The following CCDC149 variants were observed in gnomAD, a reference collection of about 807,000 sequenced individuals.
CCDC149 encodes coiled-coil domain-containing protein 149.
In CCDC149, 45 loss-of-function variants were observed where a neutral mutation model predicts 59.9. That is an observed-to-expected ratio of 0.75 (90% CI 0.59 to 0.96). The LOEUF (loss-of-function observed/expected upper bound fraction) is 0.96. Ranked by LOEUF, CCDC149 falls within the 40% of genes least tolerant of loss-of-function variation. CCDC149 has a pLI of 0.00. For missense variants in CCDC149, 584 were observed against 664.7 expected (o/e 0.88, Z 1.33); for synonymous variants, 245 against 260.6 (o/e 0.94, Z 0.58).
At chr4:24,871,463 A>G (rs954620939) in intron 3 of CCDC149, among the ~76,000 whole-genome samples, 3 of 152,374 alleles carry the variant, frequency 2.0e-5, no homozygotes, top group Middle Eastern at 3.4e-3. Flanking sequence ...AGGCTTCCCT[A>G]TAACGGGAAA....
chr4:24,818,369 C>T (rs145204347), intron 12 of CCDC149, among the ~76,000 whole-genome samples: 5 of 152,106 alleles, frequency 3.3e-5, no homozygotes, highest in African/African-American at 1.2e-4. Flanking sequence ...GCAGATGGAA[C>T]CTTGTGGGGG....
At chr4:24,866,035 G>A (rs965278862) in intron 3 of CCDC149, among the ~76,000 whole-genome samples, 2 of 152,172 alleles carry the variant, frequency 1.3e-5, no homozygotes, top group African/African-American at 2.4e-5. Context: ...TTTGAAGGAA[G>A]TTTTAGGTTC....
chr4:24,808,307 A>G lies in CCDC149; in HGVS notation c.*82T>C. The G allele has an allele frequency of 7.8e-7, 1 of 1,281,584 alleles. No homozygotes were observed. The highest frequency in any genetic ancestry group is 1.0e-6 in the Non-Finnish European group (1 of 974,008). 79.4% of individuals were successfully genotyped at this position (1,281,584 alleles called of 1,614,324 possible). Reference sequence around the variant, plus strand: ...CTCGGAGGTATTTCAGGAGAAGGCGACGTGAGCGCACCATTCCGATGCTTC... The same window carrying G: ...CTCGGAGGTATTTCAGGAGAAGGCGGCGTGAGCGCACCATTCCGATGCTTC... On this transcript the variant is annotated 3_prime_UTR_variant, in exon 13 of 13. Coordinates refer to ENST00000635206, the MANE Select transcript of CCDC149 (RefSeq NM_001330643.2).
upstream of CCDC149, among the ~76,000 whole-genome samples, chr4:24,914,791 C>A (rs952975104): frequency 5.9e-5 from 9 of 152,188 alleles, no homozygotes; most frequent in Non-Finnish European, 1.2e-4. Flanking sequence ...GATGAAGGGC[C>A]TGAATGGCTT....
At chr4:24,895,088 C>G (rs1286098492) in intron 1 of CCDC149, 1 of 1,275,300 alleles carries the variant, frequency 7.8e-7, no homozygotes, top group Non-Finnish European at 1.1e-6. Context: ...GACGTGGCAA[C>G]TATCCACTAC....
chr4:24,894,151 A>C (rs1036725518), intron 1 of CCDC149, among the ~76,000 whole-genome samples: 1 of 152,208 alleles, frequency 6.6e-6, no homozygotes, highest in Non-Finnish European at 1.5e-5. Context: ...CACAGGACTC[A>C]AAGCATTAAA....
chr4:24,902,363 A>C (rs1001397660), intron 1 of CCDC149, among the ~76,000 whole-genome samples: 6 of 152,206 alleles, frequency 3.9e-5, no homozygotes. Flanking sequence ...CTCCAGTTAA[A>C]AAAAGCATTC....
chr4:24,949,128 C>A (rs568223057), intron 1 of CCDC149, among the ~76,000 whole-genome samples: 1 of 152,310 alleles, frequency 6.6e-6, no homozygotes, highest in East Asian at 1.9e-4. Context: ...CTGTTGTTAG[C>A]CTCCAGGGCT....
chr4:24,853,948 C>T (rs1717840031), intron 3 of CCDC149, among the ~76,000 whole-genome samples: 2 of 152,150 alleles, frequency 1.3e-5, no homozygotes. Flanking sequence ...AATCGCCCTT[C>T]ATTCCCATCT....
intron 3 of CCDC149, among the ~76,000 whole-genome samples, chr4:24,864,813 T>C (rs1050048764): frequency 6.6e-6 from 1 of 152,156 alleles, no homozygotes; most frequent in Non-Finnish European, 1.5e-5. Context: ...TATGTGTGCA[T>C]TTTTTTCAAC....
At position 24,886,557 on chromosome 4, in the gene CCDC149, G is replaced by C. The variant is rs533229470; in HGVS notation, c.64-9860C>G. 5.6e-4 allele frequency among the ~76,000 whole-genome samples: 86 copies of C among 152,224 alleles called. 1 individual carries two copies. The highest frequency in any genetic ancestry group is 1.1e-3 in the Non-Finnish European group (72 of 68,036). Reference sequence around the variant, plus strand: ...ATTGAGAAAAAGAAATGAATGCTGGGAAGTGAGAAAACAACAAATGTGCAT... The same window carrying C: ...ATTGAGAAAAAGAAATGAATGCTGGCAAGTGAGAAAACAACAAATGTGCAT... On this transcript the variant is annotated intron_variant, in intron 1 of 12. Transcript: ENST00000635206.
At chr4:24,974,182 C>T (rs942740567) in intron 1 of CCDC149, among the ~76,000 whole-genome samples, 1 of 152,242 alleles carries the variant, frequency 6.6e-6, no homozygotes, top group Non-Finnish European at 1.5e-5. Flanking sequence ...AGGTGACCCG[C>T]AGGTGCCGGC....
At chr4:24,838,937 T>C (rs549448595) in intron 4 of CCDC149, among the ~76,000 whole-genome samples, 4 of 152,050 alleles carry the variant, frequency 2.6e-5, no homozygotes, top group East Asian at 3.9e-4. Flanking sequence ...TATGATGCCA[T>C]GTTAAGTGGG....
At chr4:24,944,404 T>TG (rs1229136607) in intron 1 of CCDC149, among the ~76,000 whole-genome samples, 1 of 115,948 alleles carries the variant, frequency 8.6e-6, no homozygotes, top group East Asian at 2.4e-4. Context: ...TGTTGTGGGG[T>TG]GGGGGGATGG....
At chr4:24,920,302 C>T (rs780321927) in intron 1 of CCDC149, among the ~76,000 whole-genome samples, 23 of 152,322 alleles carry the variant, frequency 1.5e-4, no homozygotes, top group Non-Finnish European at 2.9e-4. Context: ...CCAAGACAGC[C>T]CACTCACATG....
chr4:24,853,223 A>C (rs1717779736), intron 3 of CCDC149, 44 bp from the exon 4 acceptor site: 2 of 1,422,602 alleles, frequency 1.4e-6, no homozygotes, highest in Non-Finnish European at 2.0e-6. Context: ...GAAATGGAGG[A>C]GTGGATGAAT....
At chr4:24,848,483 C>T (rs543557833) in intron 4 of CCDC149, among the ~76,000 whole-genome samples, 10 of 152,012 alleles carry the variant, frequency 6.6e-5, no homozygotes, top group South Asian at 2.1e-4. Flanking sequence ...GCAGGAGAAT[C>T]GCTTGAACCC....
rs568339940 is a variant in CCDC149 at position 24,808,285 on chromosome 4, G to A, written c.*104C>T. On this transcript the variant is annotated 3_prime_UTR_variant, in exon 13 of 13. Coordinates refer to ENST00000635206, the MANE Select transcript of CCDC149 (RefSeq NM_001330643.2). ...AGTGCGTTTTCTCACTTGCAGACTC[G>A]GAGGTATTTCAGGAGAAGGCGACGT... 209 of 1,043,016 alleles carry A rather than the reference G, an allele frequency of 2.0e-4. 1 individual carries two copies. The African/African-American group carries it at 2.8e-3, about 14-fold the overall frequency. 64.6% of individuals were successfully genotyped at this position (1,043,016 alleles called of 1,614,324 possible).
chr4:24,847,799 A>G (rs1717398496), intron 4 of CCDC149, among the ~76,000 whole-genome samples: 1 of 152,228 alleles, frequency 6.6e-6, no homozygotes, highest in Non-Finnish European at 1.5e-5. Context: ...GCTCCACTTC[A>G]CAGAGACAGG....
Sources: allele counts gnomAD v4.1 joint callset (sites outside exome capture counted in the v4.1 genomes callset), GRCh38; gene constraint gnomAD v4.1.1; transcripts MANE v1.5; gene names NCBI Gene and HGNC (gene_info 2026-07-23, HGNC 2026-07-21).